MCMDC2: variants seen among roughly 807,000 people sequenced by gnomAD.
MCMDC2 encodes the protein minichromosome maintenance domain-containing protein 2.
In MCMDC2, 54 loss-of-function variants were observed where a neutral mutation model predicts 75.8. That is an observed-to-expected ratio of 0.71 (90% CI 0.57 to 0.89). The LOEUF (loss-of-function observed/expected upper bound fraction) is 0.89. Ranked by LOEUF, MCMDC2 falls within the 40% of genes least tolerant of loss-of-function variation. The pLI, the probability that MCMDC2 is intolerant of heterozygous loss-of-function variation, is 0.00. For synonymous variants in MCMDC2, 249 were observed against 274.6 expected (o/e 0.91, Z 0.92); for missense variants, 656 against 780.4 (o/e 0.84, Z 1.90).
intron 14 of MCMDC2, among the ~76,000 whole-genome samples, chr8:66,906,382 G>A (rs1812904621): frequency 6.6e-6 from 1 of 152,048 alleles, no homozygotes; most frequent in African/African-American, 2.4e-5. Flanking sequence ...AGATCCATTC[G>A]AATATTAGAA....
At chr8:66,881,771 A>G (rs1811576214) in intron 8 of MCMDC2, among the ~76,000 whole-genome samples, 1 of 152,252 alleles carries the variant, frequency 6.6e-6, no homozygotes, top group African/African-American at 2.4e-5. Flanking sequence ...ATGAGGACCA[A>G]AATATCACCT....
At chr8:66,904,565 T>TA (rs148305684) in intron 13 of MCMDC2, among the ~76,000 whole-genome samples, 5,314 of 152,296 alleles carry the variant, frequency 0.035, 100 homozygotes, top group Admixed American at 0.046. Context: ...TACAAAGTAA[T>TA]ACAGCTAGTA....
intron 4 of MCMDC2, 42 bp from the exon 5 acceptor site, chr8:66,877,307 G>T (rs1326110761): frequency 3.9e-6 from 5 of 1,275,704 alleles, no homozygotes; most frequent in Non-Finnish European, 5.5e-6. Flanking sequence ...AGTCAAATTG[G>T]ATTTGCAATT....
At chr8:66,909,234 T>G (rs1813016472) in intron 14 of MCMDC2, among the ~76,000 whole-genome samples, 1 of 152,220 alleles carries the variant, frequency 6.6e-6, no homozygotes, top group Admixed American at 6.5e-5. Context: ...CACGCTGAAC[T>G]GTGAGTCAAT....
intron 11 of MCMDC2, 116 bp from the exon 12 acceptor site, chr8:66,896,664 G>A: frequency 1.4e-6 from 1 of 729,530 alleles, no homozygotes; most frequent in Non-Finnish European, 1.9e-6. Context: ...TAATTAATAT[G>A]ATAAATAATA....
chr8:66,922,258 C>A (rs1238252725), downstream of MCMDC2: 1 of 228,144 alleles, frequency 4.4e-6, no homozygotes, highest in Non-Finnish European at 9.0e-6. Flanking sequence ...AATCTGCCCC[C>A]ACCCTTAAGT....
At chr8:66,874,837 C>T (rs1262368761) in intron 4 of MCMDC2, among the ~76,000 whole-genome samples, 1 of 152,064 alleles carries the variant, frequency 6.6e-6, no homozygotes, top group Non-Finnish European at 1.5e-5. Flanking sequence ...CAGCTCACTG[C>T]AACCTCTGCC....
intron 3 of MCMDC2, 35 bp from the exon 4 acceptor site, chr8:66,874,492 G>A: frequency 1.2e-6 from 2 of 1,612,098 alleles, no homozygotes; most frequent in Non-Finnish European, 1.7e-6. Context: ...ATGCCACATG[G>A]AATTTTTGGT....
chr8:66,898,036 T>G (rs1178505465), intron 12 of MCMDC2, among the ~76,000 whole-genome samples: 1 of 152,130 alleles, frequency 6.6e-6, no homozygotes, highest in African/African-American at 2.4e-5. Flanking sequence ...GAATATTGTT[T>G]ATTCACATAG....
downstream of MCMDC2, chr8:66,922,580 C>T (rs375493714): frequency 1.6e-5 from 8 of 515,542 alleles, no homozygotes; most frequent in Non-Finnish European, 3.1e-5. Context: ...GTCAAGAATA[C>T]ATCACATAAC....
At chr8:66,905,060 C>T (rs932846545) in intron 13 of MCMDC2, among the ~76,000 whole-genome samples, 166 bp from the exon 14 acceptor site, 1 of 151,578 alleles carries the variant, frequency 6.6e-6, no homozygotes, top group African/African-American at 2.4e-5. Context: ...CTATTTAAGT[C>T]GGTGGGGAAA....
chr8:66,895,293 A>C (rs1812296224), intron 10 of MCMDC2, among the ~76,000 whole-genome samples: 1 of 152,216 alleles, frequency 6.6e-6, no homozygotes. Flanking sequence ...TTGGATATAG[A>C]TGGCTGACTA....
At chr8:66,886,916 C>T (rs1313498040) in intron 9 of MCMDC2, among the ~76,000 whole-genome samples, 1 of 152,136 alleles carries the variant, frequency 6.6e-6, no homozygotes, top group East Asian at 1.9e-4. Flanking sequence ...GCATTTTAGC[C>T]ATACTAGTGG....
chr8:66,889,968 A>G (rs182487164), intron 9 of MCMDC2, among the ~76,000 whole-genome samples: 187 of 152,262 alleles, frequency 1.2e-3, no homozygotes, highest in African/African-American at 4.4e-3. Flanking sequence ...GGCAAAAGAA[A>G]GCAATCCATA....
chr8:66,921,852 C>CTAA lies in MCMDC2; in HGVS notation c.*2685_*2687dup, dbSNP rs1464492135. 1.3e-5 allele frequency: 2 copies of CTAA among 152,136 alleles called. No homozygotes were observed. Among genetic ancestry groups the CTAA allele is most frequent in the Non-Finnish European group, 2.9e-5 (2 of 68,034 alleles). 9.4% of individuals were successfully genotyped at this position (152,136 alleles called of 1,614,324 possible). On this transcript the variant is annotated 3_prime_UTR_variant, in exon 15 of 15. Transcript: ENST00000422365. The stretch of plus-strand genomic sequence containing the variant: ...ATGAGAATCACCACCCATAAATAAG[C>CTAA]TAATTATTGACAAGATTATAATCTT...
In MCMDC2 at chr8:66,874,051, A is replaced by T; in HGVS notation, c.-88-2A>T. The stretch of plus-strand genomic sequence containing the variant: ...CAAAAATAAAATTAATTTTATTTCT[A>T]GGTTTTCACATCCTTTCTATGAGTT... On this transcript the variant is annotated splice_acceptor_variant, in intron 1 of 14. Coordinates refer to ENST00000422365, the MANE Select transcript of MCMDC2 (RefSeq NM_173518.5). LOFTEE classifies it low-confidence loss of function (5UTR_SPLICE). The T allele has an allele frequency of 1.3e-6, 1 of 790,332 alleles. No individual in the cohort carries two copies. The highest frequency in any genetic ancestry group is 1.9e-6 in the Non-Finnish European group (1 of 521,368). 49.0% of individuals were successfully genotyped at this position (790,332 alleles called of 1,614,324 possible). A position where few individuals can be genotyped will look rare whatever the true frequency, so the allele number is the denominator to read the frequency against.
intron 1 of MCMDC2, among the ~76,000 whole-genome samples, chr8:66,872,480 C>T (rs955615171): frequency 3.3e-5 from 5 of 152,134 alleles, no homozygotes; most frequent in Non-Finnish European, 7.4e-5. Context: ...TATGTTGTTC[C>T]TTTCATGCTA....
chr8:66,922,458 A>G (rs1813588225), downstream of MCMDC2: 1 of 517,278 alleles, frequency 1.9e-6, no homozygotes, highest in Non-Finnish European at 3.9e-6. Flanking sequence ...TAATTAATCA[A>G]TGTACAGTAC....
intron 7 of MCMDC2, 112 bp downstream of exon 7, chr8:66,879,031 G>T: frequency 1.5e-6 from 1 of 689,090 alleles, no homozygotes; most frequent in Non-Finnish European, 2.6e-6. Context: ...TGAGGTGGGA[G>T]GATCACTTGA....
Sources: allele counts gnomAD v4.1 joint callset (sites outside exome capture counted in the v4.1 genomes callset), GRCh38; gene constraint gnomAD v4.1.1; transcripts MANE v1.5; gene names NCBI Gene and HGNC (gene_info 2026-07-23, HGNC 2026-07-21).